Variants in XKR9 observed in about 807,000 individuals in gnomAD.
The protein encoded by XKR9 is XK-related protein 9.
A neutral mutation model predicts 32.0 loss-of-function variants in XKR9; 32 were observed. The observed-to-expected ratio is 1.00, with a 90% confidence interval of 0.76 to 1.34. The LOEUF is 1.34. Ranked by LOEUF, XKR9 falls within the 40% of genes most tolerant of loss-of-function variation. The pLI is 0.00. For missense variants in XKR9, 546 were observed against 429.7 expected, an observed-to-expected ratio of 1.27 and a Z score of -2.39; for synonymous variants, 168 against 143.4, an observed-to-expected ratio of 1.17 and a Z score of -1.22.
At chr8:70,756,688 T>C (rs1037472866) in intron 2 of XKR9, among the ~76,000 whole-genome samples, 1 of 152,254 alleles carries the variant, frequency 6.6e-6, no homozygotes, top group Non-Finnish European at 1.5e-5. Context: ...AGACATACTA[T>C]TGATTTTTGT....
chr8:70,882,255 TATA>T, the XKR9 span, among the ~76,000 whole-genome samples: 1 of 152,002 alleles, frequency 6.6e-6, no homozygotes, highest in African/African-American at 2.4e-5. Flanking sequence ...GAACTTAAAG[TATA>T]ATAATAAAAA....
chr8:70,974,674 A>G, the XKR9 span, among the ~76,000 whole-genome samples: 2 of 152,182 alleles, frequency 1.3e-5, no homozygotes, highest in South Asian at 4.1e-4. Flanking sequence ...AGTCTTTGCT[A>G]TTGTGAATAG....
Position 70,734,629 on chromosome 8 carries a change from C to G in XKR9, c.*205C>G. On this transcript the variant is annotated 3_prime_UTR_variant, in exon 5 of 5. Coordinates refer to ENST00000408926, the MANE Select transcript of XKR9 (RefSeq NM_001011720.2). ...AGATCTTGAGTACTCAGATATCTTTCTACTGCCTGGTAGAGCTGCCATCTT... is the reference window on the plus strand; with the variant it reads ...AGATCTTGAGTACTCAGATATCTTTGTACTGCCTGGTAGAGCTGCCATCTT... The G allele has an allele frequency of 5.6e-6, 3 of 533,962 alleles. No individual in the cohort carries two copies. Among genetic ancestry groups the G allele is most frequent in the Non-Finnish European group, 8.0e-6 (3 of 372,778 alleles). 33.1% of individuals were successfully genotyped at this position (533,962 alleles called of 1,614,324 possible).
the XKR9 span, among the ~76,000 whole-genome samples, chr8:70,811,916 A>G: frequency 2.6e-5 from 4 of 152,216 alleles, no homozygotes; most frequent in African/African-American, 9.6e-5. Flanking sequence ...ATAGAAAAAG[A>G]GGGAATCCTC....
At chr8:70,860,194 A>C in the XKR9 span, among the ~76,000 whole-genome samples, 1 of 152,276 alleles carries the variant, frequency 6.6e-6, no homozygotes, top group South Asian at 2.1e-4. Context: ...TCATGTGTTG[A>C]AACCCTAATC....
the XKR9 span, among the ~76,000 whole-genome samples, chr8:70,924,322 C>T: frequency 0.029 from 4,377 of 152,164 alleles, 182 homozygotes; most frequent in African/African-American, 0.1. Context: ...CTGGCTGTTC[C>T]GAGCTCAGTC....
chr8:70,860,992 T>A, the XKR9 span, among the ~76,000 whole-genome samples: 1 of 152,224 alleles, frequency 6.6e-6, no homozygotes. Flanking sequence ...ACAGAGGGAT[T>A]TTTGGCCTTT....
chr8:70,723,985 A>G (rs943641295), intron 4 of XKR9, among the ~76,000 whole-genome samples: 6 of 151,388 alleles, frequency 4.0e-5, no homozygotes, highest in African/African-American at 1.5e-4. Flanking sequence ...CTGCACCCAC[A>G]ACCACCCCTT....
chr8:70,927,390 A>T, the XKR9 span, among the ~76,000 whole-genome samples: 1 of 152,132 alleles, frequency 6.6e-6, no homozygotes, highest in East Asian at 1.9e-4. Context: ...TACCTGTTTT[A>T]GTCCATTTGT....
downstream of XKR9, among the ~76,000 whole-genome samples, chr8:70,736,480 C>G (rs1806865894): frequency 6.6e-6 from 1 of 152,292 alleles, no homozygotes; most frequent in East Asian, 1.9e-4. Context: ...AATTAGATCC[C>G]ATTTGTCAAT....
intron 2 of XKR9, among the ~76,000 whole-genome samples, chr8:70,754,542 G>T (rs1807189344): frequency 8.5e-6 from 1 of 117,472 alleles, no homozygotes. Flanking sequence ...AACCAAAACA[G>T]CATGGTACTG....
chr8:70,795,226 C>T (rs796124325), downstream of XKR9, among the ~76,000 whole-genome samples: 15 of 152,054 alleles, frequency 9.9e-5, no homozygotes, highest in African/African-American at 3.4e-4. Context: ...TGAGAACATA[C>T]GATATTTGGT....
At chr8:70,901,253 G>A in the XKR9 span, among the ~76,000 whole-genome samples, 3 of 152,176 alleles carry the variant, frequency 2.0e-5, no homozygotes, top group Non-Finnish European at 4.4e-5. Flanking sequence ...CACAATAGTT[G>A]AACTAGTTTA....
the XKR9 span, among the ~76,000 whole-genome samples, chr8:70,853,476 C>T: frequency 1.3e-5 from 2 of 151,518 alleles, no homozygotes; most frequent in African/African-American, 2.4e-5. Context: ...ATACATCTAC[C>T]TATACATCTA....
At chr8:70,975,556 G>A in the XKR9 span, among the ~76,000 whole-genome samples, 86 of 152,266 alleles carry the variant, frequency 5.6e-4, no homozygotes, top group Middle Eastern at 3.4e-3. Context: ...GGTAGTAGAT[G>A]TGTGGTGTTA....
At chr8:70,924,408 C>T in the XKR9 span, among the ~76,000 whole-genome samples, 2 of 152,136 alleles carry the variant, frequency 1.3e-5, no homozygotes, top group African/African-American at 4.8e-5. Context: ...TTAATCTTTT[C>T]TGGCTTCTCT....
At chr8:71,000,782 G>A in the XKR9 span, among the ~76,000 whole-genome samples, 1 of 152,194 alleles carries the variant, frequency 6.6e-6, no homozygotes, top group South Asian at 2.1e-4. Flanking sequence ...CTGTACTCAT[G>A]TGTGTGGACC....
chr8:70,755,817 G>A (rs1263026456), intron 2 of XKR9, among the ~76,000 whole-genome samples: 2 of 151,320 alleles, frequency 1.3e-5, no homozygotes, highest in South Asian at 2.1e-4. Flanking sequence ...GCTAAATGAC[G>A]AGTTAATGGG....
the XKR9 span, among the ~76,000 whole-genome samples, chr8:70,800,824 G>A: frequency 0.11 from 16,473 of 151,940 alleles, 1,022 homozygotes; most frequent in African/African-American, 0.17. Flanking sequence ...TTTTTATACT[G>A]ATTTAACTTT....
Sources: allele counts gnomAD v4.1 joint callset (sites outside exome capture counted in the v4.1 genomes callset), GRCh38; gene constraint gnomAD v4.1.1; transcripts MANE v1.5; gene names NCBI Gene and HGNC (gene_info 2026-07-23, HGNC 2026-07-21).